The following ST7L variants were observed in gnomAD, a reference collection of about 807,000 sequenced individuals.
ST7L encodes suppressor of tumorigenicity 7 protein-like.
Under a neutral mutation model 72.5 loss-of-function variants are expected in ST7L, and 57 were observed. The observed-to-expected ratio is 0.79, with a 90% CI of 0.64 to 0.98. The LOEUF is 0.98. ST7L is among the 50% of genes least tolerant of loss of function. The probability of loss-of-function intolerance (pLI) is 0.00; values close to 1 mark genes in which losing one functional copy is unlikely to be tolerated. For synonymous variants in ST7L, 221 were observed against 240.9 expected, an observed-to-expected ratio of 0.92 and a Z score of 0.77; for missense variants, 576 against 672.2, an observed-to-expected ratio of 0.86 and a Z score of 1.58.
chr1:112,580,138 T>C (rs12138335), intron 9 of ST7L, among the ~76,000 whole-genome samples: 29,684 of 152,116 alleles, frequency 0.2, 3,265 homozygotes, highest in Middle Eastern at 0.26. Context: ...CAAATGTGAA[T>C]AAACGACCTT....
At chr1:112,541,601 T>C (rs768374506) in intron 14 of ST7L, among the ~76,000 whole-genome samples, 4 of 152,192 alleles carry the variant, frequency 2.6e-5, no homozygotes, top group Non-Finnish European at 5.9e-5. Context: ...AATGATTTCA[T>C]TTAAATGAAA....
At chr1:112,544,169 C>A (rs1272426711) in intron 13 of ST7L, among the ~76,000 whole-genome samples, 1 of 152,140 alleles carries the variant, frequency 6.6e-6, no homozygotes, top group Non-Finnish European at 1.5e-5. Context: ...AGGAAGTTGA[C>A]CGCTTAGGGC....
At chr1:112,564,641 A>T (rs1198353866) in intron 11 of ST7L, among the ~76,000 whole-genome samples, 1 of 151,936 alleles carries the variant, frequency 6.6e-6, no homozygotes, top group Non-Finnish European at 1.5e-5. Context: ...ACATGGTGAA[A>T]CCCTGCCTCT....
At chr1:112,563,550 G>A (rs1230135775) in intron 11 of ST7L, among the ~76,000 whole-genome samples, 1 of 152,152 alleles carries the variant, frequency 6.6e-6, no homozygotes, top group Non-Finnish European at 1.5e-5. Flanking sequence ...TATTACCTCT[G>A]ACTCAGCCTA....
intron 6 of ST7L, 173 bp downstream of exon 6, chr1:112,591,352 G>C: frequency 1.8e-6 from 1 of 565,516 alleles, no homozygotes; most frequent in East Asian, 3.1e-5. Context: ...TACAATTTCA[G>C]AAGCAAAATA....
chr1:112,586,951 C>T (rs1664957811), intron 6 of ST7L, among the ~76,000 whole-genome samples: 1 of 152,200 alleles, frequency 6.6e-6, no homozygotes, highest in African/African-American at 2.4e-5. Context: ...TCCTCAATCC[C>T]TGGCAATCCC....
In ST7L at chr1:112,541,946, CT is replaced by C. The variant is rs1200646810; in HGVS notation, c.1629+4del. On this transcript the variant is annotated splice_donor_region_variant and intron_variant, in intron 14 of 14. Transcript: ENST00000358039. ...ATCTACACAAGTCCTTGAGATCATA[CT>C]TACAGCTTTAGCAAAAATACCCATG... 1 of 1,613,248 alleles carries C rather than the reference CT, an allele frequency of 6.2e-7. No homozygotes were observed. Among genetic ancestry groups the C allele is most frequent in the East Asian group, 2.2e-5 (1 of 44,816 alleles).
In ST7L at chr1:112,618,853, G is replaced by GC. The variant is rs1570685909; in HGVS notation, c.205+55dup. ...GAGAATCTCTTGCCCTTTGGCTCTT[G>GC]CCCCCGACATCTCTCCTGGCCCCCC... On this transcript the variant is annotated intron_variant, in intron 1 of 14. Coordinates refer to ENST00000358039, the MANE Select transcript of ST7L (RefSeq NM_017744.5). 11 of 1,533,764 alleles carry GC rather than the reference G, an allele frequency of 7.2e-6. No homozygotes were observed. The East Asian group carries it at 2.7e-4, about 38-fold the overall frequency.
At chr1:112,619,592 T>C (rs1421098820), upstream of ST7L, 2 of 534,690 alleles carry the variant, frequency 3.7e-6, no homozygotes, top group East Asian at 6.2e-5. Context: ...GCCCATTAGA[T>C]GGATGGGAAA....
chr1:112,598,597 A>G (rs1370625526), intron 4 of ST7L, among the ~76,000 whole-genome samples: 5 of 148,140 alleles, frequency 3.4e-5, no homozygotes, highest in Admixed American at 6.7e-5. Context: ...TTTTTAACTA[A>G]AAAAAAAAAA....
chr1:112,614,238 A>AAAACAAACAAACAAAC (rs61698183), intron 2 of ST7L, among the ~76,000 whole-genome samples: 3 of 151,012 alleles, frequency 2.0e-5, no homozygotes, highest in Non-Finnish European at 4.4e-5. Flanking sequence ...TAGTTTCTTT[A>AAAACAAACAAACAAAC]AAACAAACAA....
intron 14 of ST7L, chr1:112,540,381 A>C (rs1655912327): frequency 2.0e-6 from 2 of 985,342 alleles, no homozygotes; most frequent in South Asian, 9.4e-5. Flanking sequence ...AGGTCATTTC[A>C]GTTTGAGATG....
At chr1:112,591,647 T>C (rs779059593) in intron 5 of ST7L, 44 bp from the exon 6 acceptor site, 2 of 1,485,488 alleles carry the variant, frequency 1.3e-6, no homozygotes, top group East Asian at 2.3e-5. Context: ...GGTAAAAAAA[T>C]AATCTGCAAA....
At chr1:112,528,812 G>A (rs189976407) in intron 14 of ST7L, 5 of 152,276 alleles carry the variant, frequency 3.3e-5, no homozygotes, top group Admixed American at 2.6e-4. Context: ...TATCGTATCT[G>A]AGGCCATAGT....
chr1:112,604,012 T>A (rs761687207), intron 3 of ST7L, among the ~76,000 whole-genome samples: 8 of 152,230 alleles, frequency 5.3e-5, no homozygotes, highest in Non-Finnish European at 8.8e-5. Flanking sequence ...CTTTCATATA[T>A]AATACATTAA....
Position 112,556,005 on chromosome 1 carries a change from A to T in ST7L, c.1259T>A (p.Met420Lys). ...NPHVPKYLLE[M>K]KSLILPPEHI... ...TTCTGGAGGTAAAATTAAACTTTTC[A>T]TCTCTAATAAATACTGAAAGAGTAA... Residue 420 changes from methionine to lysine, a missense_variant, in exon 12 of 15, where the codon ATG (methionine) becomes AAG (lysine). Physicochemically the swap from Met to Lys is moderately conservative, Grantham distance 95. Coordinates refer to ENST00000358039, the MANE Select transcript of ST7L (RefSeq NM_017744.5). 5 of 1,602,248 alleles carry T rather than the reference A, an allele frequency of 3.1e-6. No individual in the cohort carries two copies. The highest frequency in any genetic ancestry group is 3.4e-6 in the Non-Finnish European group (4 of 1,173,976).
intron 10 of ST7L, among the ~76,000 whole-genome samples, chr1:112,577,971 A>G (rs10857967): frequency 0.19 from 29,566 of 152,200 alleles, 3,600 homozygotes; most frequent in East Asian, 0.46. Flanking sequence ...ACACTTTATC[A>G]TCATCATCAT....
intron 4 of ST7L, among the ~76,000 whole-genome samples, chr1:112,600,432 A>G (rs1667211346): frequency 1.3e-5 from 2 of 151,768 alleles, no homozygotes; most frequent in Admixed American, 6.6e-5. Flanking sequence ...ACTGGCTTTC[A>G]CTTAAAAAAA....
chr1:112,532,366 A>G (rs902447165), intron 14 of ST7L, among the ~76,000 whole-genome samples: 1 of 152,220 alleles, frequency 6.6e-6, no homozygotes, highest in African/African-American at 2.4e-5. Context: ...TCGGATTAAA[A>G]TTTAATTGTA....
Sources: allele counts gnomAD v4.1 joint callset (sites outside exome capture counted in the v4.1 genomes callset), GRCh38; gene constraint gnomAD v4.1.1; transcripts MANE v1.5; gene names NCBI Gene and HGNC (gene_info 2026-07-23, HGNC 2026-07-21).